Variants in COL22A1 observed in about 807,000 individuals in gnomAD.
COL22A1 encodes the protein collagen type XXII alpha 1 chain, also known as collagen alpha-1(XXII) chain.
COL22A1 carries 221 observed loss-of-function variants against 248.9 expected under a neutral mutation model. That is an observed-to-expected ratio of 0.89 (90% CI 0.80 to 0.99). The LOEUF (loss-of-function observed/expected upper bound fraction) is 0.99. COL22A1 is among the 50% of genes least tolerant of loss of function. The pLI, the probability that COL22A1 is intolerant of heterozygous loss-of-function variation, is 0.00. For missense variants in COL22A1, 2,240 were observed against 2,179.0 expected (o/e 1.03, Z -0.56); for synonymous variants, 891 against 793.4 (o/e 1.12, Z -2.07).
chr8:138,777,059 G>A (rs978015906), intron 15 of COL22A1, among the ~76,000 whole-genome samples: 1 of 152,214 alleles, frequency 6.6e-6, no homozygotes, highest in Admixed American at 6.5e-5. Context: ...AATGGCGCAG[G>A]GTAGGGACCT....
chr8:138,673,770 C>T (rs1024018770), intron 41 of COL22A1, among the ~76,000 whole-genome samples: 1 of 152,066 alleles, frequency 6.6e-6, no homozygotes, highest in South Asian at 2.1e-4. Flanking sequence ...GGTCAGTTCC[C>T]TCCTGCCACG....
intron 8 of COL22A1, 48 bp from the exon 9 acceptor site, chr8:138,811,969 G>A (rs1361749720): frequency 6.7e-7 from 1 of 1,492,742 alleles, no homozygotes; most frequent in African/African-American, 1.4e-5. Flanking sequence ...CACTCAGCAG[G>A]CACTCCCTGG....
chr8:138,627,575 T>C (rs894065526), intron 50 of COL22A1, among the ~76,000 whole-genome samples: 3 of 152,200 alleles, frequency 2.0e-5, no homozygotes, highest in Non-Finnish European at 4.4e-5. Flanking sequence ...CACTAGACTT[T>C]TATTTATTTA....
At chr8:138,605,354 C>G (rs140712008) in intron 58 of COL22A1, among the ~76,000 whole-genome samples, 259 of 152,306 alleles carry the variant, frequency 1.7e-3, no homozygotes, top group Middle Eastern at 3.4e-3. Flanking sequence ...GCACCCCACT[C>G]TTATCATGAC....
rs1014705932 is a variant in COL22A1, at chr8:138,811,924, G to T, written c.1327-3C>A. 1.9e-6 allele frequency: 3 copies of T among 1,543,832 alleles called. No homozygotes were observed. The highest frequency in any genetic ancestry group is 3.9e-5 in the Admixed American group (2 of 51,204). Reference sequence around the variant, plus strand: ...TCTGTCACCACGGTCACCTGGCACTGGAAGGAAAGCCCAGGAGGTCAGAAC... The same window carrying T: ...TCTGTCACCACGGTCACCTGGCACTTGAAGGAAAGCCCAGGAGGTCAGAAC... On this transcript the variant is annotated splice_polypyrimidine_tract_variant and splice_region_variant and intron_variant, in intron 8 of 64. Transcript: ENST00000303045.
intron 16 of COL22A1, among the ~76,000 whole-genome samples, chr8:138,773,240 C>T (rs779809775): frequency 2.6e-5 from 4 of 152,186 alleles, no homozygotes; most frequent in Non-Finnish European, 2.9e-5. Flanking sequence ...ACAGGCTCAG[C>T]CCAGCCCAGG....
intron 30 of COL22A1, 99 bp from the exon 31 acceptor site, chr8:138,703,446 A>G (rs1428531569): frequency 2.6e-6 from 3 of 1,150,322 alleles, no homozygotes; most frequent in Non-Finnish European, 3.9e-6. Flanking sequence ...AGACAACAGA[A>G]GGTGTTGTCT....
In COL22A1 at chr8:138,780,957, G is replaced by A. The variant is rs762007068; in HGVS notation, c.1620C>T (p.Pro540=). 7.5e-6 allele frequency: 12 copies of A among 1,610,480 alleles called. No individual in the cohort carries two copies. Among genetic ancestry groups the A allele is most frequent in the Non-Finnish European group, 1.0e-5 (12 of 1,179,016 alleles). Residue 540 remains proline (P), a synonymous_variant, in exon 13 of 65, where the codon CCC becomes CCT. Coordinates refer to ENST00000303045, the MANE Select transcript of COL22A1 (RefSeq NM_152888.3). ...GEKGSLGLPG[P]PGRDGSKGMR... ...TGCCTTTGCTGCCGTCTCTCCCAGG[G>A]GGGCCGGGCAGGCCCAGGGAACCCT...
At chr8:138,895,120 G>T (rs1265068562) in intron 1 of COL22A1, among the ~76,000 whole-genome samples, 2 of 150,820 alleles carry the variant, frequency 1.3e-5, no homozygotes, top group Non-Finnish European at 2.9e-5. Context: ...GGTGGTATCA[G>T]CAAGGCCCAG....
Position 138,700,107 on chromosome 8 carries a change from C to T in COL22A1, c.2592+5G>A, listed in dbSNP as rs1469028069. ...TGGGCACCCCGAGGCACCGCTACTA[C>T]TTACGGGCATCCGTGGATGTGGTGT... On this transcript the variant is annotated splice_donor_5th_base_variant and intron_variant, in intron 32 of 64. Coordinates refer to ENST00000303045, the MANE Select transcript of COL22A1 (RefSeq NM_152888.3). 6.2e-7 allele frequency: 1 copy of T among 1,613,276 alleles called. No homozygotes were observed. The highest frequency in any genetic ancestry group is 2.2e-5 in the East Asian group (1 of 44,854).
chr8:138,597,284 A>C lies in COL22A1; in HGVS notation c.4366-314T>G, dbSNP rs75415059. ...GCCACTGTGCCCATTAATTCCACTC[A>C]TATTCCCTTCTTCGCACTGGACCTG... On this transcript the variant is annotated intron_variant, in intron 61 of 64. Transcript: ENST00000303045. 7.5e-3 allele frequency among the ~76,000 whole-genome samples: 1,143 copies of C among 152,160 alleles called. 9 individuals are homozygous for C. The highest frequency in any genetic ancestry group is 0.027 in the African/African-American group (1,102 of 41,504).
At chr8:138,672,602 T>C (rs1464081735) in intron 41 of COL22A1, among the ~76,000 whole-genome samples, 2 of 152,100 alleles carry the variant, frequency 1.3e-5, no homozygotes, top group Non-Finnish European at 2.9e-5. Context: ...AAGGCATCAG[T>C]ACAACTAATT....
At chr8:138,694,647 A>G in intron 33 of COL22A1, 86 bp from the exon 34 acceptor site, 1 of 1,440,084 alleles carries the variant, frequency 6.9e-7, no homozygotes, top group South Asian at 1.2e-5. Flanking sequence ...TGCAATGGGT[A>G]TAATTTGAGA....
chr8:138,843,237 G>C (rs547390404), intron 4 of COL22A1, among the ~76,000 whole-genome samples: 1 of 152,224 alleles, frequency 6.6e-6, no homozygotes, highest in South Asian at 2.1e-4. Context: ...AGCAGAGCAC[G>C]GTGACATGGC....
chr8:138,890,429 AT>A (rs1360457448), intron 1 of COL22A1, among the ~76,000 whole-genome samples: 1 of 152,140 alleles, frequency 6.6e-6, no homozygotes, highest in Non-Finnish European at 1.5e-5. Flanking sequence ...AAGAGGTAAA[AT>A]TATCTCTATT....
At chr8:138,779,013 C>T (rs764219900) in intron 14 of COL22A1, among the ~76,000 whole-genome samples, 14 of 152,190 alleles carry the variant, frequency 9.2e-5, no homozygotes, top group Non-Finnish European at 2.1e-4. Flanking sequence ...TTTAATCTAT[C>T]CTACTGCAAT....
At chr8:138,820,918 A>C (rs1226785417) in intron 7 of COL22A1, among the ~76,000 whole-genome samples, 1 of 152,224 alleles carries the variant, frequency 6.6e-6, no homozygotes, top group Non-Finnish European at 1.5e-5. Flanking sequence ...TGATTGATGG[A>C]ATGGTTGAAT....
chr8:138,674,414 G>T (rs1825334241), intron 41 of COL22A1, among the ~76,000 whole-genome samples: 1 of 152,092 alleles, frequency 6.6e-6, no homozygotes, highest in Non-Finnish European at 1.5e-5. Flanking sequence ...AGATTCCCAG[G>T]CCATTACTGG....
At chr8:138,622,682 AG>A (rs1318240215) in intron 52 of COL22A1, among the ~76,000 whole-genome samples, 1 of 152,182 alleles carries the variant, frequency 6.6e-6, no homozygotes, top group East Asian at 1.9e-4. Flanking sequence ...AGAAAAAGAT[AG>A]GCCCACAACT....
Sources: allele counts gnomAD v4.1 joint callset (sites outside exome capture counted in the v4.1 genomes callset), GRCh38; gene constraint gnomAD v4.1.1; transcripts MANE v1.5; gene names NCBI Gene and HGNC (gene_info 2026-07-23, HGNC 2026-07-21).